Variants in EPX observed in about 807,000 individuals in gnomAD.
EPX encodes the protein eosinophil peroxidase.
EPX carries 60 observed loss-of-function variants against 73.0 expected under a neutral mutation model. The observed-to-expected ratio is 0.82, with a 90% CI of 0.67 to 1.02. The LOEUF (loss-of-function observed/expected upper bound fraction) is 1.02, where lower values mean the gene tolerates loss of function less well. Among genes scored for constraint, EPX ranks in the 50% least tolerant of loss-of-function variants. The pLI, the probability that EPX is intolerant of heterozygous loss-of-function variation, is 0.00. For missense variants in EPX, 950 were observed against 973.9 expected, an observed-to-expected ratio of 0.98 and a Z score of 0.33; for synonymous variants, 347 against 389.2, an observed-to-expected ratio of 0.89 and a Z score of 1.28.
intron 7 of EPX, 23 bp downstream of exon 7, chr17:58,197,280 GT>G: frequency 6.2e-7 from 1 of 1,607,880 alleles, no homozygotes; most frequent in Non-Finnish European, 8.5e-7. Context: ...GGAAGGTGGT[GT>G]CTTCCCAGGA....
At chr17:58,199,234 G>A (rs1219967503) in intron 8 of EPX, 34 bp downstream of exon 8, 2 of 1,607,712 alleles carry the variant, frequency 1.2e-6, no homozygotes, top group African/African-American at 1.3e-5. Context: ...TCCCCCAGAT[G>A]ACAAGCTTGG....
intron 9 of EPX, 76 bp downstream of exon 9, chr17:58,199,870 G>T (rs1172698552): frequency 7.4e-6 from 11 of 1,491,964 alleles, no homozygotes; most frequent in African/African-American, 2.8e-5. Context: ...CAAGCTTACT[G>T]CCAGGAAGCC....
chr17:58,203,068 C>G lies in EPX; in HGVS notation c.1709-13C>G. On this transcript the variant is annotated splice_polypyrimidine_tract_variant and intron_variant, in intron 10 of 12. Transcript: ENST00000225371. ...CAGCAAGACTGAAGCTGCTTCTCCC[C>G]GTTCCCCTGCAGGGTACAATGCTTG... 1.9e-6 allele frequency: 3 copies of G among 1,594,786 alleles called. No individual in the cohort carries two copies. Among genetic ancestry groups the G allele is most frequent in the South Asian group, 1.1e-5 (1 of 90,642 alleles).
rs184082909 is a variant in EPX at position 58,203,214 on chromosome 17, C to T, written c.1842C>T (p.Ile614=). The T allele has an allele frequency of 2.0e-5, 32 of 1,614,174 alleles. No individual in the cohort carries two copies. In the East Asian group the frequency reaches 2.9e-4, roughly 15 times the overall value. Residue 614 remains isoleucine (I), a synonymous_variant, in exon 11 of 13, where the codon ATC becomes ATT. Coordinates refer to ENST00000225371, the MANE Select transcript of EPX (RefSeq NM_000502.6). ...ATGGAACACCTGACAACATTGACATCTGGATTGGGGCCATCGCTGAGCCTC... is the reference window on the plus strand; with the variant it reads ...ATGGAACACCTGACAACATTGACATTTGGATTGGGGCCATCGCTGAGCCTC... ...NLYGTPDNID[I]WIGAIAEPLL...
rs891211926 is a variant in EPX at position 58,203,792 on chromosome 17, C to T, written c.1947-430C>T. Reference sequence around the variant, plus strand: ...CTAAAAATACAAAAAATTAGCCGGGCGTAGTGGCGGGCGCCTGTAGTCCCG... The same window carrying T: ...CTAAAAATACAAAAAATTAGCCGGGTGTAGTGGCGGGCGCCTGTAGTCCCG... On this transcript the variant is annotated intron_variant, in intron 11 of 12. Transcript: ENST00000225371. Among the ~76,000 whole-genome samples the T allele has an allele frequency of 1.0e-4, 15 of 150,704 alleles. 1 individual carries two copies. The South Asian group carries it at 2.5e-3, about 25-fold the overall frequency.
intron 7 of EPX, among the ~76,000 whole-genome samples, chr17:58,198,066 C>T (rs1195676305): frequency 6.6e-6 from 1 of 152,158 alleles, no homozygotes; most frequent in African/African-American, 2.4e-5. Context: ...GAACTCCTGA[C>T]CTCAGGTGAT....
At chr17:58,198,443 A>G (rs1015914414) in intron 7 of EPX, among the ~76,000 whole-genome samples, 1 of 152,176 alleles carries the variant, frequency 6.6e-6, no homozygotes, top group East Asian at 1.9e-4. Flanking sequence ...GGAGAGGTCA[A>G]CTGAACTAAG....
intron 7 of EPX, among the ~76,000 whole-genome samples, chr17:58,198,310 T>A (rs1485544179): frequency 1.3e-5 from 2 of 152,200 alleles, no homozygotes; most frequent in African/African-American, 4.8e-5. Context: ...ACAGTCAGTG[T>A]AGTATCAAGG....
At chr17:58,196,645 C>T (rs528881027) in intron 6 of EPX, among the ~76,000 whole-genome samples, 37 of 152,304 alleles carry the variant, frequency 2.4e-4, no homozygotes, top group African/African-American at 8.2e-4. Flanking sequence ...CTAATCCCAC[C>T]TTTCCTGCTA....
intron 5 of EPX, 117 bp downstream of exon 5, chr17:58,194,209 G>C (rs1567788139): frequency 3.9e-6 from 4 of 1,017,918 alleles, no homozygotes; most frequent in Non-Finnish European, 6.0e-6. Context: ...GACCAGTGCA[G>C]TGACTTGAGG....
At chr17:58,195,981 C>A (rs1968249820) in intron 6 of EPX, among the ~76,000 whole-genome samples, 1 of 150,490 alleles carries the variant, frequency 6.6e-6, no homozygotes, top group South Asian at 2.1e-4. Flanking sequence ...TTTCTTCTTT[C>A]TTTCCTTTCC....
In EPX at chr17:58,199,557, T is replaced by A. The variant is rs1033721493; in HGVS notation, c.1300T>A (p.Phe434Ile). The change falls in exon 9 of 13, where the codon TTT becomes ATT. Residue 434 changes from phenylalanine to isoleucine, a missense_variant. By Grantham distance (21) the Phe-to-Ile change is conservative. Coordinates refer to ENST00000225371, the MANE Select transcript of EPX (RefSeq NM_000502.6). ...CTTCCAGATCATCACCTACCGAGAC[T>A]TTCTGCCCCTGGTTCTGGGCAAGGC... ...AMVQIITYRD[F>I]LPLVLGKARA... 1 of 1,614,222 alleles carries A rather than the reference T, an allele frequency of 6.2e-7. No homozygotes were observed. Among genetic ancestry groups the A allele is most frequent in the Non-Finnish European group, 8.5e-7 (1 of 1,180,036 alleles).
Position 58,197,311 on chromosome 17 carries a change from C to G in EPX, c.1120+54C>G. ...CCAGGAAACAGCCATCCCTGGGGTC[C>G]CAACTGGGAAGCAATGGTGGGATGT... On this transcript the variant is annotated intron_variant, in intron 7 of 12. Coordinates refer to ENST00000225371, the MANE Select transcript of EPX (RefSeq NM_000502.6). 3 of 1,595,984 alleles carry G rather than the reference C, an allele frequency of 1.9e-6. No homozygotes were observed. The South Asian group carries it at 3.3e-5, about 18-fold the overall frequency.
Position 58,193,477 on chromosome 17 carries a change from A to G in EPX, c.277A>G (p.Met93Val). 2 of 1,614,158 alleles carry G rather than the reference A, an allele frequency of 1.2e-6. No homozygotes were observed. The highest frequency in any genetic ancestry group is 2.2e-5 in the South Asian group (2 of 91,084). ...GACAGTTGTTCGGGCCGCAGATTAT[A>G]TGCATGTGGCTTTGGGGCTGCTTGA... is the stretch of plus-strand genomic sequence containing the variant. The part of the protein sequence containing the change: ...TRTVVRAADY[M>V]HVALGLLEEK... The change falls in exon 3 of 13, where the codon ATG becomes GTG. Residue 93 changes from methionine (M) to valine (V), a missense_variant. By Grantham distance (21) the Met-to-Val change is conservative. Coordinates refer to ENST00000225371, the MANE Select transcript of EPX (RefSeq NM_000502.6).
At position 58,199,214 on chromosome 17, in the gene EPX, C is replaced by T. The variant is rs1173398205; in HGVS notation, c.1281+14C>T. ...GCCATGGTCCAGGTAAGGAGCTCTG[C>T]ATCCCAGCATCCCCCAGATGACAAG... is the stretch of plus-strand genomic sequence containing the variant. On this transcript the variant is annotated intron_variant, in intron 8 of 12. Coordinates refer to ENST00000225371, the MANE Select transcript of EPX (RefSeq NM_000502.6). The T allele has an allele frequency of 1.9e-6, 3 of 1,611,788 alleles. No individual in the cohort carries two copies. The highest frequency in any genetic ancestry group is 2.7e-5 in the African/African-American group (2 of 74,868).
In EPX at chr17:58,203,230, G is replaced by A. The variant is rs1386568929; in HGVS notation, c.1858G>A (p.Ala620Thr). 39 of 1,614,086 alleles carry A rather than the reference G, an allele frequency of 2.4e-5. No individual in the cohort carries two copies. Among genetic ancestry groups the A allele is most frequent in the Non-Finnish European group, 3.2e-5 (38 of 1,180,030 alleles). The change falls in exon 11 of 13, where the codon GCT becomes ACT. Residue 620 changes from alanine (A) to threonine (T), a missense_variant. By Grantham distance (58) the Ala-to-Thr change is moderately conservative. Coordinates refer to ENST00000225371, the MANE Select transcript of EPX (RefSeq NM_000502.6). ...CATTGACATCTGGATTGGGGCCATCGCTGAGCCTCTTTTGCCGGGGGCTCG... is the reference window on the plus strand; with the variant it reads ...CATTGACATCTGGATTGGGGCCATCACTGAGCCTCTTTTGCCGGGGGCTCG... Reference protein sequence around the residue: ...DNIDIWIGAIAEPLLPGARVG... With the variant: ...DNIDIWIGAITEPLLPGARVG...
intron 6 of EPX, among the ~76,000 whole-genome samples, chr17:58,196,580 G>C (rs1350631728): frequency 6.6e-6 from 1 of 152,158 alleles, no homozygotes; most frequent in Non-Finnish European, 1.5e-5. Context: ...GAAAAGGTCT[G>C]TCGAATTGAA....
At position 58,193,022 on chromosome 17, in the gene EPX, C is replaced by G; in HGVS notation, c.77-16C>G. On this transcript the variant is annotated splice_polypyrimidine_tract_variant and intron_variant, in intron 1 of 12. Coordinates refer to ENST00000225371, the MANE Select transcript of EPX (RefSeq NM_000502.6). ...TTGTGGCTTGCTGAACCCTGAGTCC[C>G]CATCTCTTTGAACAGCCTCCCCTGG... 6.2e-7 allele frequency: 1 copy of G among 1,603,386 alleles called. No homozygotes were observed. The highest frequency in any genetic ancestry group is 8.5e-7 in the Non-Finnish European group (1 of 1,170,170).
Position 58,194,070 on chromosome 17 carries a change from G to T in EPX, c.572G>T (p.Arg191Leu). 5 of 1,613,400 alleles carry T rather than the reference G, an allele frequency of 3.1e-6. No individual in the cohort carries two copies. Among genetic ancestry groups the T allele is most frequent in the Non-Finnish European group, 4.2e-6 (5 of 1,179,976 alleles). The part of the protein sequence containing the change: ...LPFGWTPSRR[R>L]NGFLLPLVRA... ...TTCGGCTGGACCCCCAGCAGGAGGC[G>T]CAATGGCTTCCTTCTCCCTCTTGTG... Residue 191 changes from arginine (R) to leucine (L), a missense_variant, in exon 5 of 13, where the codon CGC (arginine) becomes CTC (leucine). Arg to Leu is a moderately radical substitution (Grantham distance 102). Coordinates refer to ENST00000225371, the MANE Select transcript of EPX (RefSeq NM_000502.6).
Sources: allele counts gnomAD v4.1 joint callset (sites outside exome capture counted in the v4.1 genomes callset), GRCh38; gene constraint gnomAD v4.1.1; transcripts MANE v1.5; gene names NCBI Gene and HGNC (gene_info 2026-07-23, HGNC 2026-07-21).